Variants in MAST4 observed in about 807,000 individuals in gnomAD.
The protein encoded by MAST4 is microtubule-associated serine/threonine-protein kinase 4.
Under a neutral mutation model 162.7 loss-of-function variants are expected in MAST4, and 89 were observed. That is an observed-to-expected ratio of 0.55 (90% CI 0.46 to 0.65). The LOEUF is 0.65. Ranked by LOEUF, MAST4 falls within the 30% of genes least tolerant of loss-of-function variation. The pLI is 0.00. For synonymous variants in MAST4, 1,479 were observed against 1,361.1 expected (o/e 1.09, Z -1.91); for missense variants, 3,153 against 3,374.0 (o/e 0.93, Z 1.62).
At chr5:66,854,158 G>A (rs1379935798) in intron 3 of MAST4, among the ~76,000 whole-genome samples, 2 of 152,128 alleles carry the variant, frequency 1.3e-5, no homozygotes, top group African/African-American at 4.8e-5. Flanking sequence ...CCCGGCTGGT[G>A]TCATTTTTAA....
intron 3 of MAST4, among the ~76,000 whole-genome samples, chr5:66,864,650 C>G (rs544272218): frequency 2.0e-5 from 3 of 151,428 alleles, no homozygotes; most frequent in East Asian, 1.9e-4. Flanking sequence ...TATGTCCCCC[C>G]CCGAAAATAC....
chr5:66,861,613 A>G (rs914170141), intron 3 of MAST4, among the ~76,000 whole-genome samples: 7 of 152,232 alleles, frequency 4.6e-5, no homozygotes, highest in African/African-American at 1.2e-4. Flanking sequence ...TGGGGAGCCA[A>G]AATGCTGTGT....
intron 2 of MAST4, among the ~76,000 whole-genome samples, chr5:66,766,166 G>A (rs1419004478): frequency 6.6e-6 from 1 of 152,158 alleles, no homozygotes; most frequent in East Asian, 1.9e-4. Flanking sequence ...TTCTTGATAT[G>A]CAAATGCATG....
intron 4 of MAST4, among the ~76,000 whole-genome samples, chr5:66,952,150 A>G (rs1389186930): frequency 6.6e-6 from 1 of 152,156 alleles, no homozygotes; most frequent in Non-Finnish European, 1.5e-5. Context: ...TCTGAGGAGA[A>G]AGGGACCCAT....
At chr5:67,153,817 G>T (rs1009337931) in intron 26 of MAST4, among the ~76,000 whole-genome samples, 8 of 152,126 alleles carry the variant, frequency 5.3e-5, no homozygotes, top group Admixed American at 5.2e-4. Flanking sequence ...TAAATTGTAA[G>T]TAGTAAGAAT....
intron 4 of MAST4, among the ~76,000 whole-genome samples, chr5:67,028,746 T>C (rs1250260786): frequency 1.3e-5 from 2 of 152,102 alleles, no homozygotes; most frequent in African/African-American, 4.8e-5. Flanking sequence ...TGGGATTCAT[T>C]GGACTGGAGC....
rs780534042 is a variant in MAST4, at chr5:67,166,783, AC to A, written c.7608del (p.Asp2537ThrfsTer17). On this transcript the variant is annotated frameshift_variant, in exon 29 of 29. Transcript: ENST00000403625. LOFTEE classifies it low-confidence loss of function (END_TRUNC). ...RVSTLPLESH[H>X]PDPNTMGGAS... ...TCCACCCTGCCTCTGGAGTCACACC[AC>A]CCCGACCCAAACACCATGGGCGGGG... is the stretch of plus-strand genomic sequence containing the variant. 6.3e-7 allele frequency: 1 copy of A among 1,597,742 alleles called. No individual in the cohort carries two copies. Among genetic ancestry groups the A allele is most frequent in the Non-Finnish European group, 8.5e-7 (1 of 1,173,746 alleles).
At chr5:67,026,781 T>C (rs900424084) in intron 4 of MAST4, among the ~76,000 whole-genome samples, 2 of 152,110 alleles carry the variant, frequency 1.3e-5, no homozygotes, top group African/African-American at 4.8e-5. Flanking sequence ...TTTAAAAAGA[T>C]GGAAAAAACA....
At chr5:66,722,647 T>C (rs1199788675) in intron 1 of MAST4, among the ~76,000 whole-genome samples, 1 of 152,180 alleles carries the variant, frequency 6.6e-6, no homozygotes, top group Non-Finnish European at 1.5e-5. Context: ...ATTTGTCAAA[T>C]AAATGAGTGA....
chr5:66,730,201 A>G (rs1751755773), intron 1 of MAST4, among the ~76,000 whole-genome samples: 1 of 152,168 alleles, frequency 6.6e-6, no homozygotes, highest in Non-Finnish European at 1.5e-5. Context: ...GATTTTACAC[A>G]TGAAGAAAAC....
chr5:66,837,882 ATATATATATATATTTTTTTTTTTTTTTTT>A (rs1411863270), intron 3 of MAST4, among the ~76,000 whole-genome samples: 6 of 61,904 alleles, frequency 9.7e-5, no homozygotes, highest in African/African-American at 4.6e-4. Context: ...ATATATATAT[ATATATATATATATTTTTTTTTTTTTTTTT>A]TTTTTTAATG....
At chr5:66,962,214 C>T (rs1422685402) in intron 4 of MAST4, among the ~76,000 whole-genome samples, 1 of 152,164 alleles carries the variant, frequency 6.6e-6, no homozygotes, top group East Asian at 1.9e-4. Flanking sequence ...ACCTCATTCT[C>T]TGAGATAGGA....
chr5:66,910,449 G>T (rs1286286242), intron 4 of MAST4, among the ~76,000 whole-genome samples: 1 of 152,184 alleles, frequency 6.6e-6, no homozygotes, highest in Non-Finnish European at 1.5e-5. Flanking sequence ...GTGGTAGCAA[G>T]TTGGGCCCTG....
chr5:67,138,339 T>A (rs926322096), intron 19 of MAST4, among the ~76,000 whole-genome samples: 4 of 152,222 alleles, frequency 2.6e-5, no homozygotes, highest in Admixed American at 1.3e-4. Flanking sequence ...CTGACATGAT[T>A]TTTTATTCTG....
chr5:66,981,050 C>G (rs993795223), intron 4 of MAST4, among the ~76,000 whole-genome samples: 1 of 152,136 alleles, frequency 6.6e-6, no homozygotes, highest in Non-Finnish European at 1.5e-5. Context: ...CTCCAAAGCT[C>G]TGCACAGTGG....
At chr5:66,750,906 T>C (rs1042987824) in intron 1 of MAST4, among the ~76,000 whole-genome samples, 10 of 152,202 alleles carry the variant, frequency 6.6e-5, no homozygotes, top group African/African-American at 1.7e-4. Context: ...GTCTGACAGC[T>C]TTGAAGAGAG....
intron 7 of MAST4, among the ~76,000 whole-genome samples, chr5:67,098,642 T>C (rs1764705278): frequency 1.3e-5 from 2 of 152,194 alleles, no homozygotes; most frequent in South Asian, 4.1e-4. Flanking sequence ...CTGAATGATA[T>C]CATGACTCAG....
chr5:66,910,378 C>T (rs887577733), intron 4 of MAST4, among the ~76,000 whole-genome samples: 2 of 152,152 alleles, frequency 1.3e-5, no homozygotes, highest in Admixed American at 6.5e-5. Flanking sequence ...TATTCATTAT[C>T]CAATTACCCA....
At chr5:67,078,523 T>G (rs2150711792) in intron 5 of MAST4, among the ~76,000 whole-genome samples, 1 of 150,704 alleles carries the variant, frequency 6.6e-6, no homozygotes, top group South Asian at 2.1e-4. Context: ...ATTAGCTTGA[T>G]TGTGGTAATC....
Sources: allele counts gnomAD v4.1 joint callset (sites outside exome capture counted in the v4.1 genomes callset), GRCh38; gene constraint gnomAD v4.1.1; transcripts MANE v1.5; gene names NCBI Gene and HGNC (gene_info 2026-07-23, HGNC 2026-07-21).